The following PKD2L1 variants were observed in gnomAD, a reference collection of about 807,000 sequenced individuals.
PKD2L1 encodes polycystin-2-like protein 1.
PKD2L1 carries 77 observed loss-of-function variants against 93.0 expected under a neutral mutation model. That is an observed-to-expected ratio of 0.83 (90% confidence interval 0.69 to 1.00). The LOEUF is 1.00. Among genes scored for constraint, PKD2L1 ranks in the 50% least tolerant of loss-of-function variants. PKD2L1 has a pLI of 0.00. For missense variants in PKD2L1, 977 were observed against 990.9 expected (o/e 0.99, Z 0.19); for synonymous variants, 390 against 388.0 (o/e 1.01, Z -0.06).
At chr10:100,301,508 TTA>T (rs1324376016) in intron 2 of PKD2L1, among the ~76,000 whole-genome samples, 1 of 150,284 alleles carries the variant, frequency 6.7e-6, no homozygotes, top group East Asian at 2.0e-4. Context: ...TTAATATTCC[TTA>T]CTGGGGAAAG....
intron 2 of PKD2L1, among the ~76,000 whole-genome samples, chr10:100,300,965 T>G (rs989518920): frequency 6.6e-6 from 1 of 152,236 alleles, no homozygotes; most frequent in African/African-American, 2.4e-5. Context: ...GTAGGTTCTT[T>G]TCTATTTCCC....
intron 2 of PKD2L1, among the ~76,000 whole-genome samples, chr10:100,310,252 T>G (rs1435325757): frequency 2.0e-5 from 3 of 152,094 alleles, no homozygotes; most frequent in Non-Finnish European, 4.4e-5. Flanking sequence ...GGAGGGTGCT[T>G]GAGCCCAGGA....
chr10:100,288,834 G>A (rs772750668), intron 15 of PKD2L1, 138 bp downstream of exon 15: 4 of 588,674 alleles, frequency 6.8e-6, no homozygotes, highest in Non-Finnish European at 1.2e-5. Flanking sequence ...GGCTCAAAAG[G>A]CCAGATGCAG....
At chr10:100,320,534 G>A (rs1849203613) in intron 2 of PKD2L1, among the ~76,000 whole-genome samples, 1 of 152,172 alleles carries the variant, frequency 6.6e-6, no homozygotes, top group Non-Finnish European at 1.5e-5. Context: ...GAGGTCGCTG[G>A]TGGTTGATTC....
Position 100,290,404 on chromosome 10 carries a change from T to C in PKD2L1, c.2123A>G (p.Tyr708Cys). The change falls in exon 13 of 16, where the codon TAC becomes TGC. Residue 708 changes from tyrosine (Y) to cysteine (C), a missense_variant. By Grantham distance (194) the Tyr-to-Cys change is radical. Coordinates refer to ENST00000318222, the MANE Select transcript of PKD2L1 (RefSeq NM_016112.3). ...AGCCTTTCTTGGCTGCACGTACATG[T>C]AGAATTCTTCTCCTGAAACCCAGCC... is the stretch of plus-strand genomic sequence containing the variant. ...AGGWVSGEEF[Y>C]MLTRRVLQLE... 6.2e-7 allele frequency: 1 copy of C among 1,603,850 alleles called. No homozygotes were observed. The highest frequency in any genetic ancestry group is 1.1e-5 in the South Asian group (1 of 90,904).
At chr10:100,295,221 G>T in intron 7 of PKD2L1, 98 bp from the exon 8 acceptor site, 1 of 880,604 alleles carries the variant, frequency 1.1e-6, no homozygotes, top group Non-Finnish European at 1.8e-6. Flanking sequence ...GAGTTGCCAA[G>T]CCAGACAAAG....
chr10:100,315,105 GGAAGGGAAGGGAAGAGAAA>G (rs1849067978), intron 2 of PKD2L1, among the ~76,000 whole-genome samples: 1 of 134,256 alleles, frequency 7.4e-6, no homozygotes, highest in African/African-American at 2.9e-5. Context: ...GGAAGGGAAG[GGAAGGGAAGGGAAGAGAAA>G]ACAGTTGAAA....
rs565563019 is a variant in PKD2L1, at chr10:100,301,894, C to T, written c.350-2176G>A. ...CACGGCTTCAGCAGGTCCCTCCATT[C>T]GGGGTCCCTGACTTCCCGCAACACT... On this transcript the variant is annotated intron_variant, in intron 2 of 15. Coordinates refer to ENST00000318222, the MANE Select transcript of PKD2L1 (RefSeq NM_016112.3). 2.7e-3 allele frequency among the ~76,000 whole-genome samples: 408 copies of T among 152,270 alleles called. 4 individuals are homozygous for T. The highest frequency in any genetic ancestry group is 8.3e-3 in the African/African-American group (346 of 41,552).
At position 100,321,758 on chromosome 10, in the gene PKD2L1, G is replaced by GAAAGAAA. The variant is rs1564894560; in HGVS notation, c.349+7452_349+7453insTTTCTTT. Among the ~76,000 whole-genome samples the GAAAGAAA allele has an allele frequency of 5.8e-3, 8 of 1,386 alleles. 3 individuals carry two copies. The South Asian group carries it at 0.088, about 15-fold the overall frequency. The allele number at this position is 1,386 out of a possible 152,430, so 0.9% of individuals were successfully genotyped here. A position where few individuals can be genotyped will look rare whatever the true frequency, so the allele number is the denominator to read the frequency against. On this transcript the variant is annotated intron_variant, in intron 2 of 15. Coordinates refer to ENST00000318222, the MANE Select transcript of PKD2L1 (RefSeq NM_016112.3). ...AAGAAAGAAAGAAAGAAAGAAAGAA[G>GAAAGAAA]GGAGGGAGGGAGGGAGGGAGGGAGG...
chr10:100,288,488 A>G lies in PKD2L1; in HGVS notation c.2336-10T>C, dbSNP rs767817030. The G allele has an allele frequency of 3.9e-6, 6 of 1,551,608 alleles. No individual in the cohort carries two copies. The highest frequency in any genetic ancestry group is 2.7e-6 in the Non-Finnish European group (3 of 1,123,422). ...CTTTTATAGGGAACCTCTGTGGGGG[A>G]AAACGAGAAACCCATGGGTGCTAGC... On this transcript the variant is annotated splice_polypyrimidine_tract_variant and intron_variant, in intron 15 of 15. Coordinates refer to ENST00000318222, the MANE Select transcript of PKD2L1 (RefSeq NM_016112.3).
chr10:100,301,373 G>T (rs1848669730), intron 2 of PKD2L1, among the ~76,000 whole-genome samples: 4 of 152,100 alleles, frequency 2.6e-5, no homozygotes, highest in African/African-American at 9.7e-5. Context: ...AAGCCTGGGG[G>T]CACTGCAGGT....
chr10:100,321,836 A>AAAGCAAGCAAGCAAGC lies in PKD2L1; in HGVS notation c.349+7374_349+7375insGCTTGCTTGCTTGCTT, dbSNP rs369713705. 8.5e-4 allele frequency among the ~76,000 whole-genome samples: 3 copies of AAAGCAAGCAAGCAAGC among 3,550 alleles called. 1 individual carries two copies. The highest frequency in any genetic ancestry group is 2.0e-3 in the Admixed American group (1 of 512). The allele number at this position is 3,550 out of a possible 152,430, so 2.3% of individuals were successfully genotyped here. A position where few individuals can be genotyped will look rare whatever the true frequency, so the allele number is the denominator to read the frequency against. On this transcript the variant is annotated intron_variant, in intron 2 of 15. Transcript: ENST00000318222. Reference sequence around the variant, plus strand: ...GAAGGAAGGAAAGAAAGAAAGAAGGAAAGCAAGCAAGCAAGAAGGCAGGCA... The same window carrying AAAGCAAGCAAGCAAGC: ...GAAGGAAGGAAAGAAAGAAAGAAGGAAAGCAAGCAAGCAAGCAAGCAAGCAAGCAAGAAGGCAGGCA...
chr10:100,310,898 A>T (rs975742170), intron 2 of PKD2L1, among the ~76,000 whole-genome samples: 3 of 152,072 alleles, frequency 2.0e-5, no homozygotes, highest in African/African-American at 7.2e-5. Context: ...TTTAGTAGAG[A>T]CAGGGTTTCA....
intron 11 of PKD2L1, among the ~76,000 whole-genome samples, chr10:100,292,336 A>G (rs936890601): frequency 1.1e-4 from 17 of 152,004 alleles, no homozygotes; most frequent in African/African-American, 4.1e-4. Context: ...TACCAAAAAT[A>G]CAAAAATTAG....
At chr10:100,319,579 C>T (rs1342836285) in intron 2 of PKD2L1, among the ~76,000 whole-genome samples, 1 of 152,224 alleles carries the variant, frequency 6.6e-6, no homozygotes, top group Non-Finnish European at 1.5e-5. Flanking sequence ...GCTTTCTTGA[C>T]AAGCTCACTT....
chr10:100,288,629 G>A, intron 15 of PKD2L1, 151 bp from the exon 16 acceptor site: 4 of 617,914 alleles, frequency 6.5e-6, no homozygotes, highest in South Asian at 2.0e-5. Context: ...GGCTATCCAG[G>A]TGCTTAGGAA....
At chr10:100,307,055 A>T (rs758573484) in intron 2 of PKD2L1, among the ~76,000 whole-genome samples, 15 of 152,202 alleles carry the variant, frequency 9.9e-5, no homozygotes, top group Non-Finnish European at 2.2e-4. Flanking sequence ...AGATTTCCGA[A>T]TCTGACAGAG....
In PKD2L1 at chr10:100,296,961, C is replaced by G; in HGVS notation, c.1185+19G>C. 3 of 1,549,550 alleles carry G rather than the reference C, an allele frequency of 1.9e-6. No individual in the cohort carries two copies. Among genetic ancestry groups the G allele is most frequent in the Non-Finnish European group, 2.7e-6 (3 of 1,121,866 alleles). On this transcript the variant is annotated intron_variant, in intron 6 of 15. Transcript: ENST00000318222. The stretch of plus-strand genomic sequence containing the variant: ...TCCTCACCCCAGAATGTCCCAAGTC[C>G]TAGATATCTGTCCCTCACCAAGATG...
At chr10:100,324,479 C>T (rs1849333437) in intron 2 of PKD2L1, among the ~76,000 whole-genome samples, 1 of 152,220 alleles carries the variant, frequency 6.6e-6, no homozygotes, top group Non-Finnish European at 1.5e-5. Context: ...CTTTTAGTAT[C>T]TCCATAGTTC....
Sources: gnomAD v4.1 joint callset for allele counts (sites outside exome capture counted in the v4.1 genomes callset) on GRCh38, gnomAD v4.1.1 for gene constraint, MANE v1.5 for transcripts, NCBI Gene and HGNC (gene_info 2026-07-23, HGNC 2026-07-21) for gene names.